Variants in SLC12A8 observed in about 807,000 individuals in gnomAD.
SLC12A8 encodes the protein solute carrier family 12 member 8, also known as cation-chloride cotransporter 9.
Under a neutral mutation model 75.6 loss-of-function variants are expected in SLC12A8, and 69 were observed. The ratio of observed to expected loss-of-function variants is 0.91; its 90% CI spans 0.75 to 1.11. The LOEUF (loss-of-function observed/expected upper bound fraction) is 1.11, where lower values mean the gene tolerates loss of function less well. SLC12A8 is among the 50% of genes most tolerant of loss of function. The pLI is 0.00. For missense variants in SLC12A8, 877 were observed against 896.7 expected, an observed-to-expected ratio of 0.98 and a Z score of 0.28; for synonymous variants, 365 against 372.8, an observed-to-expected ratio of 0.98 and a Z score of 0.24.
chr3:125,090,016 T>G lies in SLC12A8; in HGVS notation c.1921+1423A>C, dbSNP rs539932307. On this transcript the variant is annotated intron_variant, in intron 12 of 13. Transcript: ENST00000469902. Reference sequence around the variant, plus strand: ...TCATGGATTATTTATTTTCTGTATTTTAATTAGGGTTATGTAATATTCTTT... The same window carrying G: ...TCATGGATTATTTATTTTCTGTATTGTAATTAGGGTTATGTAATATTCTTT... Among the ~76,000 whole-genome samples the G allele has an allele frequency of 4.5e-4, 68 of 152,198 alleles. 1 individual carries two copies. Among genetic ancestry groups the G allele is most frequent in the South Asian group, 1.9e-3 (9 of 4,816 alleles).
chr3:125,173,743 G>T (rs1934459167), intron 5 of SLC12A8, among the ~76,000 whole-genome samples: 1 of 152,182 alleles, frequency 6.6e-6, no homozygotes, highest in Non-Finnish European at 1.5e-5. Flanking sequence ...GAAAAAATTT[G>T]CAAAACACAC....
intron 10 of SLC12A8, 131 bp downstream of exon 10, chr3:125,107,350 T>C: frequency 2.4e-6 from 2 of 832,450 alleles, no homozygotes; most frequent in Non-Finnish European, 3.9e-6. Context: ...TATAATGTTT[T>C]AAAACAAATA....
At chr3:125,198,599 C>A (rs1935053142) in intron 2 of SLC12A8, among the ~76,000 whole-genome samples, 1 of 152,058 alleles carries the variant, frequency 6.6e-6, no homozygotes, top group African/African-American at 2.4e-5. Flanking sequence ...CACCACTGAA[C>A]TCCAGCCTGG....
intron 5 of SLC12A8, among the ~76,000 whole-genome samples, chr3:125,172,084 G>C (rs1241229677): frequency 6.6e-6 from 1 of 152,058 alleles, no homozygotes; most frequent in Non-Finnish European, 1.5e-5. Flanking sequence ...GTCCAGCCTG[G>C]CCAACATGGT....
Position 125,096,026 on chromosome 3 carries a change from C to A in SLC12A8, c.1706-3828G>T, listed in dbSNP as rs992791451. On this transcript the variant is annotated intron_variant, in intron 10 of 13. Transcript: ENST00000469902. The stretch of plus-strand genomic sequence containing the variant: ...GCCCACATGGCCCTATACAGCACTG[C>A]CCCCGCTTTCCTCACTGGACCCCTC... Among the ~76,000 whole-genome samples, 4 of 152,292 alleles carry A rather than the reference C, an allele frequency of 2.6e-5. No homozygotes were observed. The East Asian group carries it at 7.7e-4, about 29-fold the overall frequency.
chr3:125,139,759 T>C (rs1933583736), intron 5 of SLC12A8, among the ~76,000 whole-genome samples: 1 of 152,228 alleles, frequency 6.6e-6, no homozygotes, highest in African/African-American at 2.4e-5. Context: ...CTGAGGTCCA[T>C]GCCGCCTGCC....
intron 2 of SLC12A8, among the ~76,000 whole-genome samples, chr3:125,206,237 C>A (rs533268472): frequency 6.6e-6 from 1 of 152,302 alleles, no homozygotes; most frequent in South Asian, 2.1e-4. Context: ...TGCAATGAAG[C>A]CTGACACCCA....
chr3:125,138,649 G>C (rs1385726007), intron 5 of SLC12A8, among the ~76,000 whole-genome samples: 1 of 152,108 alleles, frequency 6.6e-6, no homozygotes, highest in African/African-American at 2.4e-5. Flanking sequence ...AACTGTGGTT[G>C]TTTGTATAAT....
At chr3:125,086,239 G>C (rs1297374980) in intron 13 of SLC12A8, among the ~76,000 whole-genome samples, 1 of 152,170 alleles carries the variant, frequency 6.6e-6, no homozygotes, top group Non-Finnish European at 1.5e-5. Context: ...CAGCAGCCAT[G>C]GTAAGGCCAA....
At chr3:125,173,452 CAAAAAAAAAAAA>C (rs61001520) in intron 5 of SLC12A8, among the ~76,000 whole-genome samples, 4 of 79,626 alleles carry the variant, frequency 5.0e-5, no homozygotes, top group Non-Finnish European at 6.6e-5. Context: ...ATTCATGAGC[CAAAAAAAAAAAA>C]AAAAAAAAAA....
chr3:125,123,371 GAAA>G (rs34868769), intron 6 of SLC12A8, among the ~76,000 whole-genome samples: 4 of 103,908 alleles, frequency 3.8e-5, no homozygotes, highest in Non-Finnish European at 5.7e-5. Context: ...TCCATCTCAG[GAAA>G]AAAAAAAAAA....
At chr3:125,202,109 C>T (rs1445119914) in intron 2 of SLC12A8, among the ~76,000 whole-genome samples, 2 of 152,142 alleles carry the variant, frequency 1.3e-5, no homozygotes, top group African/African-American at 2.4e-5. Flanking sequence ...GGTGTTTCAC[C>T]ATGGTGGCCA....
At chr3:125,085,323 A>G (rs1476912861) in intron 13 of SLC12A8, among the ~76,000 whole-genome samples, 2 of 152,208 alleles carry the variant, frequency 1.3e-5, no homozygotes, top group African/African-American at 4.8e-5. Context: ...ATGACTTTCA[A>G]ATCCTCATTT....
chr3:125,165,444 G>C (rs1178692071), intron 5 of SLC12A8, among the ~76,000 whole-genome samples: 1 of 152,244 alleles, frequency 6.6e-6, no homozygotes, highest in African/African-American at 2.4e-5. Context: ...TCCTGGCAAA[G>C]ACATGTAGAT....
intron 5 of SLC12A8, among the ~76,000 whole-genome samples, chr3:125,141,366 G>A (rs1202482385): frequency 3.9e-5 from 6 of 152,188 alleles, no homozygotes; most frequent in African/African-American, 1.2e-4. Flanking sequence ...AGGGGTGCTC[G>A]TGGGAGCCTA....
intron 6 of SLC12A8, among the ~76,000 whole-genome samples, chr3:125,128,212 G>A (rs1217905482): frequency 2.8e-5 from 3 of 105,638 alleles, no homozygotes; most frequent in Non-Finnish European, 3.7e-5. Context: ...ACGGAGTCTC[G>A]CTCTGTCGCC....
At chr3:125,167,231 C>T (rs1934308919) in intron 5 of SLC12A8, among the ~76,000 whole-genome samples, 1 of 151,906 alleles carries the variant, frequency 6.6e-6, no homozygotes, top group Admixed American at 6.6e-5. Flanking sequence ...CTCACTGCAA[C>T]CTCTGCCTCC....
intron 6 of SLC12A8, among the ~76,000 whole-genome samples, chr3:125,124,107 C>T (rs902692236): frequency 1.3e-5 from 2 of 152,082 alleles, no homozygotes; most frequent in Non-Finnish European, 2.9e-5. Context: ...AAGGACTGAC[C>T]GTGACACAGG....
intron 2 of SLC12A8, among the ~76,000 whole-genome samples, chr3:125,208,787 C>CAGAGAGAGAG (rs1560087661): frequency 7.5e-5 from 8 of 106,390 alleles, no homozygotes; most frequent in Admixed American, 4.9e-4. Context: ...CACACACACA[C>CAGAGAGAGAG]ACACAGAGAG....
Sources: allele counts gnomAD v4.1 joint callset (sites outside exome capture counted in the v4.1 genomes callset), GRCh38; gene constraint gnomAD v4.1.1; transcripts MANE v1.5; gene names NCBI Gene and HGNC (gene_info 2026-07-23, HGNC 2026-07-21).